The following CTNNBL1 variants were observed in gnomAD, a reference collection of about 807,000 sequenced individuals.
CTNNBL1 encodes beta-catenin-like protein 1.
CTNNBL1 carries 31 observed loss-of-function variants against 72.7 expected under a neutral mutation model. The observed-to-expected ratio is 0.43, with a 90% CI of 0.32 to 0.58. The LOEUF (loss-of-function observed/expected upper bound fraction) is 0.58, where lower values mean the gene tolerates loss of function less well. Ranked by LOEUF, CTNNBL1 falls within the 20% of genes least tolerant of loss-of-function variation. The probability of loss-of-function intolerance (pLI) is 0.08; values close to 1 mark genes in which losing one functional copy is unlikely to be tolerated. For missense variants in CTNNBL1, 534 were observed against 725.1 expected (o/e 0.74, Z 3.03); for synonymous variants, 240 against 267.3 (o/e 0.90, Z 1.00).
intron 15 of CTNNBL1, among the ~76,000 whole-genome samples, chr20:37,861,022 T>C (rs1600535716): frequency 6.6e-6 from 1 of 152,362 alleles, no homozygotes; most frequent in East Asian, 1.9e-4. Flanking sequence ...TCCGTCGGGA[T>C]GCAGGGGACT....
intron 15 of CTNNBL1, among the ~76,000 whole-genome samples, chr20:37,871,058 T>C (rs1398963035): frequency 6.6e-6 from 1 of 152,194 alleles, no homozygotes; most frequent in Non-Finnish European, 1.5e-5. Flanking sequence ...CTATCACTGC[T>C]TTATTCCCAT....
rs1462066211 is a variant in CTNNBL1 at position 37,769,343 on chromosome 20, A to G, written c.750+1299A>G. The stretch of plus-strand genomic sequence containing the variant: ...GCAAAATTATTCCCACTGATTTATC[A>G]TATCCCACTGATAAATCAGCTGCCC... On this transcript the variant is annotated intron_variant, in intron 7 of 15. Coordinates refer to ENST00000361383, the MANE Select transcript of CTNNBL1 (RefSeq NM_030877.5). 2.6e-5 allele frequency among the ~76,000 whole-genome samples: 4 copies of G among 152,348 alleles called. No homozygotes were observed. In the East Asian group the frequency reaches 7.7e-4, roughly 29 times the overall value.
intron 4 of CTNNBL1, 162 bp downstream of exon 4, chr20:37,746,769 T>G: frequency 1.0e-6 from 1 of 985,436 alleles, no homozygotes; most frequent in Non-Finnish European, 1.6e-6. Context: ...TTTACTCATT[T>G]GAAAACCTGG....
chr20:37,712,072 C>G (rs1265288396), intron 1 of CTNNBL1, among the ~76,000 whole-genome samples: 1 of 152,174 alleles, frequency 6.6e-6, no homozygotes, highest in African/African-American at 2.4e-5. Context: ...GTGGAATTCA[C>G]CTTTGTGCTG....
At chr20:37,718,537 C>T (rs1465783327) in intron 1 of CTNNBL1, among the ~76,000 whole-genome samples, 3 of 146,658 alleles carry the variant, frequency 2.0e-5, no homozygotes, top group African/African-American at 5.1e-5. Context: ...TAGGGGCGGC[C>T]GGGCAGAGGC....
chr20:37,730,839 A>G (rs908384069), intron 1 of CTNNBL1, among the ~76,000 whole-genome samples: 4 of 152,284 alleles, frequency 2.6e-5, no homozygotes, highest in African/African-American at 9.6e-5. Context: ...AAAAGGCAAC[A>G]TGAGGTCCTA....
intron 3 of CTNNBL1, among the ~76,000 whole-genome samples, chr20:37,743,703 A>G (rs2073237740): frequency 6.6e-6 from 1 of 152,256 alleles, no homozygotes; most frequent in African/African-American, 2.4e-5. Context: ...AGTGTATGAT[A>G]GATGACATTT....
rs147769237 is a variant in CTNNBL1, at chr20:37,743,741, A to G, written c.327-2727A>G. Among the ~76,000 whole-genome samples the G allele has an allele frequency of 3.3e-3, 504 of 152,342 alleles. 3 individuals carry two copies. Among genetic ancestry groups the G allele is most frequent in the Admixed American group, 8.1e-3 (124 of 15,310 alleles). On this transcript the variant is annotated intron_variant, in intron 3 of 15. Transcript: ENST00000361383. ...TTAAATCTCTGGGGAAAGATAGATTATAGTATTGGAGCACTTGGCCAAACA... is the reference window on the plus strand; with the variant it reads ...TTAAATCTCTGGGGAAAGATAGATTGTAGTATTGGAGCACTTGGCCAAACA...
chr20:37,851,919 T>C (rs1341006263), intron 13 of CTNNBL1, among the ~76,000 whole-genome samples: 1 of 152,248 alleles, frequency 6.6e-6, no homozygotes, highest in Non-Finnish European at 1.5e-5. Context: ...AGTCTCCAAC[T>C]GAAACCCAAT....
At chr20:37,724,265 C>T (rs2073064316) in intron 1 of CTNNBL1, among the ~76,000 whole-genome samples, 2 of 152,170 alleles carry the variant, frequency 1.3e-5, no homozygotes, top group Admixed American at 6.5e-5. Flanking sequence ...CCCCCCTCTT[C>T]TCCTCTGTTG....
At chr20:37,799,203 C>T (rs2073802940) in intron 10 of CTNNBL1, among the ~76,000 whole-genome samples, 1 of 152,208 alleles carries the variant, frequency 6.6e-6, no homozygotes, top group Non-Finnish European at 1.5e-5. Flanking sequence ...ATTCCCGTCC[C>T]TTCTTCACAT....
chr20:37,800,474 C>T (rs995495590), intron 10 of CTNNBL1, among the ~76,000 whole-genome samples: 1 of 152,128 alleles, frequency 6.6e-6, no homozygotes, highest in Non-Finnish European at 1.5e-5. Context: ...AATCTGGTGG[C>T]CGTTTATTTT....
At chr20:37,842,172 C>G in intron 12 of CTNNBL1, 167 bp from the exon 13 acceptor site, 1 of 604,818 alleles carries the variant, frequency 1.7e-6, no homozygotes, top group African/African-American at 1.8e-5. Flanking sequence ...GCCCTTTGAT[C>G]CATTCCTGAT....
chr20:37,866,439 C>G (rs2072537632), intron 15 of CTNNBL1, among the ~76,000 whole-genome samples: 1 of 152,206 alleles, frequency 6.6e-6, no homozygotes, highest in Non-Finnish European at 1.5e-5. Context: ...AGCTCTTCCC[C>G]TCTCCAAGCC....
At chr20:37,699,395 G>A (rs1475612420) in intron 1 of CTNNBL1, among the ~76,000 whole-genome samples, 1 of 152,220 alleles carries the variant, frequency 6.6e-6, no homozygotes, top group African/African-American at 2.4e-5. Context: ...TGCCTTCTGA[G>A]GTTGGCAGCA....
intron 1 of CTNNBL1, among the ~76,000 whole-genome samples, chr20:37,697,418 C>T (rs550852584): frequency 2.0e-5 from 3 of 152,042 alleles, no homozygotes; most frequent in Non-Finnish European, 4.4e-5. Context: ...GCAAGAACAG[C>T]AAGTATGGAC....
At chr20:37,748,749 G>A (rs929378637) in intron 4 of CTNNBL1, among the ~76,000 whole-genome samples, 9 of 152,132 alleles carry the variant, frequency 5.9e-5, no homozygotes, top group African/African-American at 1.9e-4. Context: ...TTCTCACTGC[G>A]TCCTCACATG....
chr20:37,772,515 A>G (rs563287322), intron 7 of CTNNBL1, among the ~76,000 whole-genome samples: 4 of 152,096 alleles, frequency 2.6e-5, no homozygotes, highest in Admixed American at 6.5e-5. Flanking sequence ...CATCCGGCTA[A>G]TTTTTTGTAT....
In CTNNBL1 at chr20:37,803,485, C is replaced by T. The variant is rs147243414; in HGVS notation, c.1213+437C>T. The stretch of plus-strand genomic sequence containing the variant: ...AAATAAACTATTTATAGCCCAGATT[C>T]CCCTTTTATGTTTCTCCTCCCTGAT... On this transcript the variant is annotated intron_variant, in intron 11 of 15. Coordinates refer to ENST00000361383, the MANE Select transcript of CTNNBL1 (RefSeq NM_030877.5). Among the ~76,000 whole-genome samples, 47 of 152,256 alleles carry T rather than the reference C, an allele frequency of 3.1e-4. No homozygotes were observed. In the East Asian group the frequency reaches 3.5e-3, roughly 11 times the overall value.
Sources: allele counts gnomAD v4.1 joint callset (sites outside exome capture counted in the v4.1 genomes callset), GRCh38; gene constraint gnomAD v4.1.1; transcripts MANE v1.5; gene names NCBI Gene and HGNC (gene_info 2026-07-23, HGNC 2026-07-21).